The following CPSF2 variants were observed in gnomAD, a reference collection of about 807,000 sequenced individuals.
The protein encoded by CPSF2 is cleavage and polyadenylation specificity factor subunit 2.
Under a neutral mutation model 84.2 loss-of-function variants are expected in CPSF2, and 51 were observed. That is an observed-to-expected ratio of 0.61 (90% CI 0.48 to 0.77). The LOEUF is 0.77. Among genes scored for constraint, CPSF2 ranks in the 30% least tolerant of loss-of-function variants. CPSF2 has a pLI of 0.00. For synonymous variants in CPSF2, 286 were observed against 311.9 expected (o/e 0.92, Z 0.87); for missense variants, 641 against 929.4 (o/e 0.69, Z 4.03).
chr14:92,156,727 A>C, intron 12 of CPSF2, 96 bp downstream of exon 12: 1 of 839,466 alleles, frequency 1.2e-6, no homozygotes. Context: ...AAATTTCTGA[A>C]TATTCTTTAG....
rs770612777 is a variant in CPSF2 at position 92,161,793 on chromosome 14, A to G, written c.*49A>G. ...TGCTTGACCTTTCTAAGAAAAAGGGATTCTTATCTTACTCTGAGCTTTTGA... is the reference window on the plus strand; with the variant it reads ...TGCTTGACCTTTCTAAGAAAAAGGGGTTCTTATCTTACTCTGAGCTTTTGA... On this transcript the variant is annotated 3_prime_UTR_variant, in exon 16 of 16. Coordinates refer to ENST00000298875, the MANE Select transcript of CPSF2 (RefSeq NM_017437.3). 1.9e-6 allele frequency: 2 copies of G among 1,047,914 alleles called. No individual in the cohort carries two copies. The highest frequency in any genetic ancestry group is 2.8e-6 in the Non-Finnish European group (2 of 717,760). The allele number at this position is 1,047,914 out of a possible 1,614,324, so 64.9% of individuals were successfully genotyped here. A position where few individuals can be genotyped will look rare whatever the true frequency, so the allele number is the denominator to read the frequency against.
intron 2 of CPSF2, 73 bp from the exon 3 acceptor site, chr14:92,130,878 T>G: frequency 1.1e-6 from 1 of 924,112 alleles, no homozygotes; most frequent in South Asian, 1.9e-5. Flanking sequence ...TTGAAATAAT[T>G]TTAATCAATT....
chr14:92,157,613 TAGAA>T lies in CPSF2; in HGVS notation c.1596-45_1596-42del, dbSNP rs1222160230. 1.3e-5 allele frequency: 18 copies of T among 1,429,286 alleles called. No homozygotes were observed. The Admixed American group carries it at 2.0e-4, about 16-fold the overall frequency. The allele number at this position is 1,429,286 out of a possible 1,614,324, so 88.5% of individuals were successfully genotyped here. ...ATACATGATAAAAGCCATTTTTTTT[TAGAA>T]TTATGAGAAAAGTAATCTTGAATAA... is the stretch of plus-strand genomic sequence containing the variant. On this transcript the variant is annotated intron_variant, in intron 12 of 15. Transcript: ENST00000298875. This position sits in a 1 kb window ranked among gnomAD's most constrained non-coding sequence, Gnocchi z 4.0.
chr14:92,141,776 C>T (rs1016392845), intron 7 of CPSF2, among the ~76,000 whole-genome samples: 10 of 152,106 alleles, frequency 6.6e-5, no homozygotes, highest in Admixed American at 2.0e-4. Context: ...TTCATCATAA[C>T]GGAGTTCACT....
chr14:92,132,409 A>G (rs1368071446), intron 3 of CPSF2, among the ~76,000 whole-genome samples: 1 of 150,474 alleles, frequency 6.6e-6, no homozygotes, highest in Non-Finnish European at 1.5e-5. Flanking sequence ...TGCTGGGATT[A>G]CAGGCCTGAA....
At chr14:92,134,952 C>A (rs1174622482) in intron 5 of CPSF2, among the ~76,000 whole-genome samples, 1 of 152,116 alleles carries the variant, frequency 6.6e-6, no homozygotes, top group African/African-American at 2.4e-5. Context: ...AATTTTTCTG[C>A]AGGATAAATT....
chr14:92,136,962 C>G (rs2069007751), intron 6 of CPSF2, among the ~76,000 whole-genome samples: 1 of 150,324 alleles, frequency 6.7e-6, no homozygotes, highest in South Asian at 2.1e-4. Flanking sequence ...AACCAAGTTA[C>G]AAAGTAAAAG....
At position 92,142,206 on chromosome 14, in the gene CPSF2, T is replaced by C. The variant is rs139682119; in HGVS notation, c.704T>C (p.Ile235Thr). Residue 235 changes from isoleucine (I) to threonine (T), a missense_variant, in exon 8 of 16, where the codon ATA (isoleucine) becomes ACA (threonine). Around this residue, in one of 2 missense-constraint regions of CPSF2, gnomAD observed 211 missense variants for 375.7 expected, o/e 0.56. Transcript: ENST00000298875. ...ETLRGDGNVL[I>T]AVDTAGRVLE... Reference sequence around the variant, plus strand: ...CTTCGAGGTGATGGAAATGTGTTAATAGCAGTGGACACAGCAGGCAGAGTT... The same window carrying C: ...CTTCGAGGTGATGGAAATGTGTTAACAGCAGTGGACACAGCAGGCAGAGTT... The C allele has an allele frequency of 3.1e-6, 5 of 1,613,498 alleles. No homozygotes were observed. The highest frequency in any genetic ancestry group is 3.4e-6 in the Non-Finnish European group (4 of 1,179,714).
intron 9 of CPSF2, among the ~76,000 whole-genome samples, chr14:92,152,119 A>G (rs778387393): frequency 6.0e-5 from 9 of 150,124 alleles, no homozygotes; most frequent in Middle Eastern, 3.4e-3. Context: ...TTTATTTATT[A>G]TTTATTTATT....
intron 14 of CPSF2, among the ~76,000 whole-genome samples, chr14:92,160,228 G>A (rs1446644260): frequency 6.6e-6 from 1 of 152,206 alleles, no homozygotes; most frequent in African/African-American, 2.4e-5. Flanking sequence ...CTCCCAAAGT[G>A]CTGGGATTAC....
intron 8 of CPSF2, among the ~76,000 whole-genome samples, chr14:92,142,763 A>G (rs2069094653): frequency 6.6e-6 from 1 of 152,204 alleles, no homozygotes; most frequent in South Asian, 2.1e-4. Flanking sequence ...TGCCTTTTCA[A>G]AAAGATTTAA....
intron 9 of CPSF2, among the ~76,000 whole-genome samples, chr14:92,144,981 T>C (rs1283071356): frequency 6.6e-6 from 1 of 152,212 alleles, no homozygotes; most frequent in Non-Finnish European, 1.5e-5. Flanking sequence ...TTATCTCTTG[T>C]TATAGGAACA....
chr14:92,139,017 A>C (rs916329921), intron 7 of CPSF2, among the ~76,000 whole-genome samples: 1 of 152,188 alleles, frequency 6.6e-6, no homozygotes, highest in Non-Finnish European at 1.5e-5. Flanking sequence ...GTGTGTAAAG[A>C]TTGGCTTCTT....
Position 92,157,622 on chromosome 14 carries a change from G to T in CPSF2, c.1596-37G>T, listed in dbSNP as rs1210510069. The T allele has an allele frequency of 3.3e-6, 5 of 1,495,590 alleles. No homozygotes were observed. The Admixed American group carries it at 9.5e-5, about 28-fold the overall frequency. 92.6% of individuals were successfully genotyped at this position (1,495,590 alleles called of 1,614,324 possible). ...AAAAGCCATTTTTTTTTAGAATTAT[G>T]AGAAAAGTAATCTTGAATAATCATA... On this transcript the variant is annotated intron_variant, in intron 12 of 15. Coordinates refer to ENST00000298875, the MANE Select transcript of CPSF2 (RefSeq NM_017437.3). The surrounding 1 kb of genome is among the most constrained non-coding windows in gnomAD (Gnocchi z 4.0).
chr14:92,158,018 A>G (rs141299423), intron 13 of CPSF2, 134 bp downstream of exon 13: 9 of 645,462 alleles, frequency 1.4e-5, no homozygotes, highest in Non-Finnish European at 1.4e-5. Context: ...CTCATAGGGT[A>G]TGGGGCTTAG....
chr14:92,139,898 T>C (rs2069052352), intron 7 of CPSF2, among the ~76,000 whole-genome samples: 1 of 151,354 alleles, frequency 6.6e-6, no homozygotes, highest in Admixed American at 6.6e-5. Context: ...ATTCCATTTT[T>C]AAACATGTTT....
At chr14:92,130,903 G>T in intron 2 of CPSF2, 48 bp from the exon 3 acceptor site, 1 of 1,177,918 alleles carries the variant, frequency 8.5e-7, no homozygotes, top group Non-Finnish European at 1.2e-6. Context: ...TATTATATAT[G>T]CCAGACTGTG....
At chr14:92,145,626 A>G (rs965004368) in intron 9 of CPSF2, among the ~76,000 whole-genome samples, 13 of 152,380 alleles carry the variant, frequency 8.5e-5, no homozygotes, top group African/African-American at 2.9e-4. Flanking sequence ...TACAAGGTTA[A>G]AAGAACTAAG....
chr14:92,133,912 A>G lies in CPSF2; in HGVS notation c.150-99A>G, dbSNP rs2068966888. ...GCTCTTAGTTTTGCTCTTCTGCCCC[A>G]GTGTAGTCTTCAATCCAGAATTGGT... On this transcript the variant is annotated intron_variant, in intron 3 of 15. Coordinates refer to ENST00000298875, the MANE Select transcript of CPSF2 (RefSeq NM_017437.3). 5 of 1,214,308 alleles carry G rather than the reference A, an allele frequency of 4.1e-6. No individual in the cohort carries two copies. In the African/African-American group the frequency reaches 7.5e-5, roughly 18 times the overall value. 75.2% of individuals were successfully genotyped at this position (1,214,308 alleles called of 1,614,324 possible).
Sources: gnomAD v4.1 joint callset for allele counts (sites outside exome capture counted in the v4.1 genomes callset) on GRCh38, gnomAD v4.1.1 for gene constraint, gnomAD v4.1.1 regional missense constraint, Gnocchi (gnomAD v3.1) non-coding constraint, MANE v1.5 for transcripts, NCBI Gene and HGNC (gene_info 2026-07-23, HGNC 2026-07-21) for gene names.